CAVIN1: variants seen among roughly 807,000 people sequenced by gnomAD.
CAVIN1 encodes the protein caveolae associated protein 1.
In CAVIN1, 16 loss-of-function variants were observed where a neutral mutation model predicts 24.0. The observed-to-expected ratio is 0.67, with a 90% CI of 0.45 to 1.01. CAVIN1 has a LOEUF of 1.01. Among genes scored for constraint, CAVIN1 ranks in the 50% least tolerant of loss-of-function variants. The probability of loss-of-function intolerance (pLI) is 0.00; values close to 1 mark genes in which losing one functional copy is unlikely to be tolerated. For synonymous variants in CAVIN1, 256 were observed against 256.4 expected (o/e 1.00, Z 0.02); for missense variants, 510 against 551.7 (o/e 0.92, Z 0.76).
intron 1 of CAVIN1, among the ~76,000 whole-genome samples, chr17:42,412,767 G>A (rs1432701684): frequency 6.6e-6 from 1 of 151,594 alleles, no homozygotes; most frequent in Non-Finnish European, 1.5e-5. Flanking sequence ...ACAGGTGCAT[G>A]CTACCACGCC....
rs760406439 is a variant in CAVIN1 at position 42,405,336 on chromosome 17, G to A, written c.524C>T (p.Ser175Leu). ...KLSISKSLKESEALPEKEGEE... is the reference protein window; with the variant it reads ...KLSISKSLKELEALPEKEGEE... ...GCCCTCCTTCTCTGGCAGCGCCTCC[G>A]ACTCTTTCAGCGATTTGCTGATGCT... The change falls in exon 2 of 2, where the codon TCG (serine) becomes TTG (leucine). Residue 175 changes from serine to leucine, a missense_variant. By Grantham distance (145) the Ser-to-Leu change is moderately radical. Coordinates refer to ENST00000357037, the MANE Select transcript of CAVIN1 (RefSeq NM_012232.6). The A allele has an allele frequency of 6.2e-7, 1 of 1,609,354 alleles. No homozygotes were observed. The highest frequency in any genetic ancestry group is 8.5e-7 in the Non-Finnish European group (1 of 1,179,990).
intron 1 of CAVIN1, chr17:42,412,389 CTTT>C (rs34186503): frequency 4.3e-3 from 875 of 202,778 alleles, no homozygotes; most frequent in Non-Finnish European, 5.8e-3. Context: ...AAATAAACCA[CTTT>C]TTTTTTTTTT....
rs2085438566 is a variant in CAVIN1, at chr17:42,405,469, T to C, written c.472-81A>G. On this transcript the variant is annotated intron_variant, in intron 1 of 1. Transcript: ENST00000357037. ...GCCTGAGTCAGGGTGGTGACGATCC[T>C]GGAGAGAGGGGAGCATGGGACGCTC... 6.2e-6 allele frequency: 9 copies of C among 1,447,194 alleles called. No individual in the cohort carries two copies. The South Asian group carries it at 8.0e-5, about 13-fold the overall frequency. 89.6% of individuals were successfully genotyped at this position (1,447,194 alleles called of 1,614,324 possible).
intron 1 of CAVIN1, among the ~76,000 whole-genome samples, chr17:42,417,264 G>A (rs1448819306): frequency 1.3e-5 from 2 of 152,044 alleles, no homozygotes; most frequent in Non-Finnish European, 2.9e-5. Context: ...GACCAGCCTG[G>A]CCAACATGGT....
intron 1 of CAVIN1, among the ~76,000 whole-genome samples, chr17:42,411,185 T>A (rs1447453595): frequency 1.3e-4 from 1 of 7,608 alleles, no homozygotes; most frequent in African/African-American, 1.7e-4. Flanking sequence ...AGAGTAGGAC[T>A]ATGTCTCAAA....
intron 1 of CAVIN1, chr17:42,411,348 G>T: frequency 1.3e-6 from 1 of 755,050 alleles, no homozygotes; most frequent in Non-Finnish European, 1.6e-6. Flanking sequence ...AGCCCCAGGA[G>T]TTCAGAACCA....
intron 1 of CAVIN1, among the ~76,000 whole-genome samples, chr17:42,417,939 T>C (rs2085521713): frequency 6.6e-6 from 1 of 152,076 alleles, no homozygotes; most frequent in Non-Finnish European, 1.5e-5. Context: ...GGATTACAGG[T>C]GTGAGCTACC....
In CAVIN1 at chr17:42,422,794, T is replaced by A; in HGVS notation, c.304A>T (p.Thr102Ser). 6.2e-7 allele frequency: 1 copy of A among 1,613,786 alleles called. No individual in the cohort carries two copies. Among genetic ancestry groups the A allele is most frequent in the Non-Finnish European group, 8.5e-7 (1 of 1,179,898 alleles). The change falls in exon 1 of 2, where the codon ACC becomes TCC. Residue 102 changes from threonine to serine, a missense_variant. Physicochemically the swap from Thr to Ser is moderately conservative, Grantham distance 58. Transcript: ENST00000357037. Reference protein sequence around the residue: ...ELSKLGKAHATTSNTVSKLLE... With the variant: ...ELSKLGKAHASTSNTVSKLLE... ...AGCTTGCTCACCGTATTGCTCGTGG[T>A]GGCGTGCGCCTTGCCCAGCTTGCTC...
At position 42,404,865 on chromosome 17, in the gene CAVIN1, T is replaced by C. The variant is rs753360569; in HGVS notation, c.995A>G (p.Gln332Arg). The stretch of plus-strand genomic sequence containing the variant: ...CTCGGTGGCCTTGAGCACTTCCACC[T>C]GGCCCTCGCGGATCTTCTTGACGTG... ...TFHVKKIREG[Q>R]VEVLKATEMV... Residue 332 changes from glutamine to arginine, a missense_variant, in exon 2 of 2, where the codon CAG becomes CGG. Gln to Arg is a conservative substitution (Grantham distance 43). Transcript: ENST00000357037. The C allele has an allele frequency of 1.2e-6, 2 of 1,613,264 alleles. No homozygotes were observed. The highest frequency in any genetic ancestry group is 2.2e-5 in the South Asian group (2 of 91,026).
rs1268944317 is a variant in CAVIN1, at chr17:42,423,082, G to A, written c.16C>T (p.Leu6Phe). 3.8e-6 allele frequency: 6 copies of A among 1,589,412 alleles called. No individual in the cohort carries two copies. In the African/African-American group the frequency reaches 8.1e-5, roughly 21 times the overall value. The change falls in exon 1 of 2, where the codon CTC (leucine) becomes TTC (phenylalanine). Residue 6 changes from leucine (L) to phenylalanine (F), a missense_variant. By Grantham distance (22) the Leu-to-Phe change is conservative (BLOSUM62 0). Transcript: ENST00000357037. ...GGAAGCGGCCGCTCGACAATATAGA[G>A]CGTGGGGTCCTCCATGGCTACCCGG... MEDPT[L>F]YIVERPLPGY...
intron 1 of CAVIN1, among the ~76,000 whole-genome samples, chr17:42,410,592 G>A (rs4365333): frequency 2.0e-5 from 3 of 151,922 alleles, no homozygotes; most frequent in African/African-American, 7.3e-5. Context: ...TTAACATTTC[G>A]TGAGGGAGAT....
chr17:42,413,948 A>T (rs2085496927), intron 1 of CAVIN1, among the ~76,000 whole-genome samples: 1 of 151,984 alleles, frequency 6.6e-6, no homozygotes, highest in Non-Finnish European at 1.5e-5. Context: ...CAGGCTGTGG[A>T]GTATAGTGGC....
chr17:42,404,921 G>T lies in CAVIN1; in HGVS notation c.939C>A (p.Thr313=). 1 of 1,614,084 alleles carries T rather than the reference G, an allele frequency of 6.2e-7. No homozygotes were observed. Among genetic ancestry groups the T allele is most frequent in the East Asian group, 2.2e-5 (1 of 44,858 alleles). Residue 313 remains threonine (T), a synonymous_variant, in exon 2 of 2, where the codon ACC becomes ACA. Transcript: ENST00000357037. The part of the protein sequence containing the change: ...PDHVVYARSK[T]AVYKVPPFTF... Reference sequence around the variant, plus strand: ...TGAAGGGTGGCACCTTGTAGACCGCGGTCTTGGAGCGCGCGTACACCACGT... The same window carrying T: ...TGAAGGGTGGCACCTTGTAGACCGCTGTCTTGGAGCGCGCGTACACCACGT...
chr17:42,410,513 A>ATC (rs2085469096), intron 1 of CAVIN1, among the ~76,000 whole-genome samples: 1 of 152,166 alleles, frequency 6.6e-6, no homozygotes. Flanking sequence ...GGGGACTTAG[A>ATC]TATCACAATG....
intron 1 of CAVIN1, among the ~76,000 whole-genome samples, chr17:42,416,792 C>T (rs1382175745): frequency 6.6e-6 from 1 of 151,960 alleles, no homozygotes; most frequent in Non-Finnish European, 1.5e-5. Context: ...ATGAAAGGGA[C>T]CAAAGCCCTG....
chr17:42,409,251 C>G (rs1295382990), intron 1 of CAVIN1, among the ~76,000 whole-genome samples: 1 of 152,102 alleles, frequency 6.6e-6, no homozygotes, highest in Non-Finnish European at 1.5e-5. Flanking sequence ...CAGGCGCACG[C>G]CACCATGCCC....
intron 1 of CAVIN1, among the ~76,000 whole-genome samples, chr17:42,419,742 G>GA (rs2085533778): frequency 6.6e-6 from 1 of 152,190 alleles, no homozygotes; most frequent in Non-Finnish European, 1.5e-5. Context: ...CTAGCCAAGT[G>GA]TCGCCTGATA....
At chr17:42,418,211 A>G (rs1173830896) in intron 1 of CAVIN1, among the ~76,000 whole-genome samples, 1 of 151,140 alleles carries the variant, frequency 6.6e-6, no homozygotes, top group Non-Finnish European at 1.5e-5. Flanking sequence ...GTCATTAAGC[A>G]ATGCGTGACT....
At chr17:42,413,565 G>GAAAAAAAAA (rs2085493446) in intron 1 of CAVIN1, among the ~76,000 whole-genome samples, 3 of 62,596 alleles carry the variant, frequency 4.8e-5, no homozygotes, top group African/African-American at 1.7e-4. Context: ...TCTCAAAAAG[G>GAAAAAAAAA]GAAAAAAAAA....
Sources: gnomAD v4.1 joint callset for allele counts (sites outside exome capture counted in the v4.1 genomes callset) on GRCh38, gnomAD v4.1.1 for gene constraint, MANE v1.5 for transcripts, NCBI Gene and HGNC (gene_info 2026-07-23, HGNC 2026-07-21) for gene names.